The following PAN3 variants were observed in gnomAD, a reference collection of about 807,000 sequenced individuals.
The protein encoded by PAN3 is poly(A) specific ribonuclease subunit PAN3.
In PAN3, 19 loss-of-function variants were observed where a neutral mutation model predicts 96.2. The observed-to-expected ratio is 0.20, with a 90% CI of 0.14 to 0.29. The LOEUF is 0.29. PAN3 is among the 10% of genes least tolerant of loss of function. The pLI, the probability that PAN3 is intolerant of heterozygous loss-of-function variation, is 1.00. For missense variants in PAN3, 882 were observed against 1,108.1 expected (o/e 0.80, Z 2.90); for synonymous variants, 433 against 406.6 (o/e 1.06, Z -0.78).
chr13:28,184,702 C>G (rs1426696905), intron 4 of PAN3, among the ~76,000 whole-genome samples: 1 of 152,028 alleles, frequency 6.6e-6, no homozygotes, highest in Non-Finnish European at 1.5e-5. Flanking sequence ...CTATAAAAAT[C>G]TTTAATATTT....
chr13:28,179,286 T>C (rs569602604), intron 4 of PAN3, among the ~76,000 whole-genome samples: 1 of 152,328 alleles, frequency 6.6e-6, no homozygotes, highest in South Asian at 2.1e-4. Context: ...AGCCTAACAA[T>C]GTGGAAGCAA....
chr13:28,274,817 A>G (rs916229171), intron 14 of PAN3, among the ~76,000 whole-genome samples: 4 of 152,188 alleles, frequency 2.6e-5, no homozygotes, highest in African/African-American at 9.7e-5. Flanking sequence ...ATAGTAAGGT[A>G]TAGGAAAGAA....
rs763966155 is a variant in PAN3 at position 28,293,998 on chromosome 13, A to G, written c.*1476A>G. On this transcript the variant is annotated 3_prime_UTR_variant, in exon 19 of 19. Coordinates refer to ENST00000380958, the MANE Select transcript of PAN3 (RefSeq NM_175854.8). Reference sequence around the variant, plus strand: ...AATTTTAATAATTACACATATTTGTATATTTCAGAGAAGTTTTTAATATTT... The same window carrying G: ...AATTTTAATAATTACACATATTTGTGTATTTCAGAGAAGTTTTTAATATTT... 7 of 152,648 alleles carry G rather than the reference A, an allele frequency of 4.6e-5. No homozygotes were observed. The highest frequency in any genetic ancestry group is 4.1e-4 in the South Asian group (2 of 4,836). The allele number at this position is 152,648 out of a possible 1,614,324, so 9.5% of individuals were successfully genotyped here. A position where few individuals can be genotyped will look rare whatever the true frequency, so the allele number is the denominator to read the frequency against.
At chr13:28,281,178 A>G (rs1887443918) in intron 16 of PAN3, 137 bp from the exon 17 acceptor site, 9 of 677,454 alleles carry the variant, frequency 1.3e-5, no homozygotes, top group South Asian at 6.7e-5. Context: ...GTTTAAAAGT[A>G]TAACCAAAAG....
At chr13:28,266,312 T>A (rs2138645595) in intron 9 of PAN3, among the ~76,000 whole-genome samples, 1 of 152,332 alleles carries the variant, frequency 6.6e-6, no homozygotes, top group Non-Finnish European at 1.5e-5. Flanking sequence ...AGGTTGGTGT[T>A]CAATTGGAAA....
chr13:28,272,784 G>A (rs1057250532), intron 14 of PAN3, among the ~76,000 whole-genome samples: 1 of 152,096 alleles, frequency 6.6e-6, no homozygotes, highest in African/African-American at 2.4e-5. Context: ...GGTCAGGCTG[G>A]TCTTGAACTC....
At chr13:28,234,388 T>A (rs149765318) in intron 6 of PAN3, among the ~76,000 whole-genome samples, 1,559 of 152,310 alleles carry the variant, frequency 0.01, 25 homozygotes, top group African/African-American at 0.035. Context: ...TTGTTTATTA[T>A]GAAAAATTAA....
chr13:28,200,545 T>C (rs1878573248), intron 5 of PAN3, among the ~76,000 whole-genome samples: 1 of 152,230 alleles, frequency 6.6e-6, no homozygotes. Context: ...TTCAAGAGGC[T>C]TATGATTCCC....
chr13:28,192,793 C>T (rs1274804076), intron 4 of PAN3, among the ~76,000 whole-genome samples: 11 of 152,056 alleles, frequency 7.2e-5, no homozygotes, highest in Admixed American at 5.9e-4. Context: ...TTTTTTTCTT[C>T]AGGGATTAAT....
intron 1 of PAN3, among the ~76,000 whole-genome samples, 182 bp downstream of exon 1, chr13:28,139,269 T>A (rs1009427060): frequency 4.9e-5 from 7 of 141,618 alleles, no homozygotes; most frequent in Non-Finnish European, 1.1e-4. Context: ...CCCTCCCCAC[T>A]GCCTTCGGCA....
At chr13:28,232,926 A>G (rs1882727743) in intron 6 of PAN3, among the ~76,000 whole-genome samples, 1 of 152,178 alleles carries the variant, frequency 6.6e-6, no homozygotes, top group African/African-American at 2.4e-5. Context: ...GTGAGTGTAC[A>G]TATTCCTCAT....
At chr13:28,189,244 G>A (rs528051567) in intron 4 of PAN3, among the ~76,000 whole-genome samples, 17 of 152,272 alleles carry the variant, frequency 1.1e-4, no homozygotes, top group East Asian at 3.9e-4. Flanking sequence ...TTAGCCAGGC[G>A]TGGTGGCTCA....
intron 18 of PAN3, 99 bp from the exon 19 acceptor site, chr13:28,292,283 C>CA (rs11343365): frequency 1.3e-5 from 16 of 1,259,076 alleles, no homozygotes; most frequent in African/African-American, 6.1e-5. Context: ...GGGAATGTGA[C>CA]AAAAAAAATT....
chr13:28,275,799 T>C (rs923513072), intron 14 of PAN3, among the ~76,000 whole-genome samples: 1 of 152,184 alleles, frequency 6.6e-6, no homozygotes, highest in South Asian at 2.1e-4. Context: ...CAGTGAAGTT[T>C]TAAAAGTTTT....
intron 4 of PAN3, among the ~76,000 whole-genome samples, chr13:28,179,316 C>T (rs955511603): frequency 2.6e-5 from 4 of 152,148 alleles, no homozygotes; most frequent in South Asian, 2.1e-4. Flanking sequence ...TGCTGAAAAG[C>T]GAATACAACC....
At chr13:28,194,617 A>G (rs939777341) in intron 4 of PAN3, among the ~76,000 whole-genome samples, 5 of 151,402 alleles carry the variant, frequency 3.3e-5, no homozygotes, top group Non-Finnish European at 7.4e-5. Context: ...ACAGATGCAC[A>G]CTGCTACACA....
intron 6 of PAN3, among the ~76,000 whole-genome samples, chr13:28,246,658 T>C (rs56088404): frequency 0.11 from 16,346 of 152,236 alleles, 1,093 homozygotes; most frequent in Middle Eastern, 0.19. Context: ...CTTCTGCATA[T>C]GAGTGAGAAC....
At chr13:28,208,538 TG>T (rs890441130) in intron 5 of PAN3, among the ~76,000 whole-genome samples, 1 of 152,000 alleles carries the variant, frequency 6.6e-6, no homozygotes, top group Non-Finnish European at 1.5e-5. Context: ...ATTTTTTTTT[TG>T]GGGGGTATGT....
At chr13:28,226,442 G>A (rs1048522156) in intron 6 of PAN3, among the ~76,000 whole-genome samples, 2 of 152,126 alleles carry the variant, frequency 1.3e-5, no homozygotes, top group Admixed American at 1.3e-4. Flanking sequence ...TGGTAGTTTG[G>A]CATTAAAGTA....
Sources: allele counts gnomAD v4.1 joint callset (sites outside exome capture counted in the v4.1 genomes callset), GRCh38; gene constraint gnomAD v4.1.1; transcripts MANE v1.5; gene names NCBI Gene and HGNC (gene_info 2026-07-23, HGNC 2026-07-21).